The following PREX1 variants were observed in gnomAD, a reference collection of about 807,000 sequenced individuals.
PREX1 encodes phosphatidylinositol 3,4,5-trisphosphate-dependent Rac exchanger 1 protein.
In PREX1, 41 loss-of-function variants were observed where a neutral mutation model predicts 198.3. That is an observed-to-expected ratio of 0.21 (90% CI 0.16 to 0.27). The LOEUF is 0.27. Ranked by LOEUF, PREX1 falls within the 10% of genes least tolerant of loss-of-function variation. The pLI, the probability that PREX1 is intolerant of heterozygous loss-of-function variation, is 1.00. For missense variants in PREX1, 1,620 were observed against 2,200.7 expected (o/e 0.74, Z 5.28); for synonymous variants, 843 against 887.2 (o/e 0.95, Z 0.89).
the PREX1 span, among the ~76,000 whole-genome samples, chr20:48,870,855 G>A: frequency 1.1e-5 from 1 of 88,534 alleles, no homozygotes; most frequent in Admixed American, 1.7e-4. Context: ...AGAGACTGAA[G>A]CATGATAATC....
chr20:48,883,188 C>T, the PREX1 span, among the ~76,000 whole-genome samples: 2 of 151,962 alleles, frequency 1.3e-5, no homozygotes, highest in African/African-American at 4.8e-5. Context: ...TCCACCTTGG[C>T]CTCCCAAAGT....
At chr20:48,786,925 G>A (rs984084405) in intron 1 of PREX1, among the ~76,000 whole-genome samples, 4 of 151,642 alleles carry the variant, frequency 2.6e-5, no homozygotes, top group African/African-American at 9.7e-5. Context: ...AGGAGGAGGC[G>A]TGGGAAGGAC....
In PREX1 at chr20:48,711,135, C is replaced by T. The variant is rs199530761; in HGVS notation, c.622-2714G>A. Among the ~76,000 whole-genome samples, 4 of 152,292 alleles carry T rather than the reference C, an allele frequency of 2.6e-5. No homozygotes were observed. The East Asian group carries it at 7.7e-4, about 29-fold the overall frequency. Reference sequence around the variant, plus strand: ...ACCAGTTATGGCTACTGCCAAAGTCCAGGCAAGAGCAGAGGGTGGCACAGA... The same window carrying T: ...ACCAGTTATGGCTACTGCCAAAGTCTAGGCAAGAGCAGAGGGTGGCACAGA... On this transcript the variant is annotated intron_variant, in intron 5 of 39. Coordinates refer to ENST00000371941, the MANE Select transcript of PREX1 (RefSeq NM_020820.4).
At chr20:48,811,856 C>T (rs1001170602) in intron 1 of PREX1, among the ~76,000 whole-genome samples, 3 of 152,270 alleles carry the variant, frequency 2.0e-5, no homozygotes, top group Non-Finnish European at 4.4e-5. Flanking sequence ...ACCTCCCTCT[C>T]TGTCCTCCAA....
chr20:48,833,404 A>T, the PREX1 span, among the ~76,000 whole-genome samples: 1 of 151,082 alleles, frequency 6.6e-6, no homozygotes, highest in Admixed American at 6.6e-5. Flanking sequence ...AATGTATAAC[A>T]TCCCATTTTG....
At chr20:48,739,354 A>C (rs934929825) in intron 3 of PREX1, among the ~76,000 whole-genome samples, 1 of 152,192 alleles carries the variant, frequency 6.6e-6, no homozygotes, top group Non-Finnish European at 1.5e-5. Flanking sequence ...TTTCAGACAC[A>C]TATTTTTTTT....
At chr20:48,793,391 TG>T (rs2090347035) in intron 1 of PREX1, among the ~76,000 whole-genome samples, 1 of 151,962 alleles carries the variant, frequency 6.6e-6, no homozygotes, top group Non-Finnish European at 1.5e-5. Flanking sequence ...GCCACTGGAG[TG>T]GACACTTTGG....
chr20:48,755,779 T>C (rs182170268), intron 1 of PREX1, among the ~76,000 whole-genome samples: 2 of 152,382 alleles, frequency 1.3e-5, no homozygotes, highest in South Asian at 2.1e-4. Flanking sequence ...CACAAGCCAC[T>C]GAACCTAATC....
intron 1 of PREX1, among the ~76,000 whole-genome samples, chr20:48,797,122 A>T (rs1373533503): frequency 6.6e-6 from 1 of 152,038 alleles, no homozygotes; most frequent in African/African-American, 2.4e-5. Flanking sequence ...AAGAAAAAGG[A>T]CTGATCACGG....
chr20:48,739,332 G>A (rs1243715688), intron 3 of PREX1, among the ~76,000 whole-genome samples: 1 of 152,182 alleles, frequency 6.6e-6, no homozygotes, highest in Non-Finnish European at 1.5e-5. Flanking sequence ...AGGATGCCCA[G>A]GTGAATGCTC....
chr20:48,686,651 C>G (rs991368261), intron 10 of PREX1, among the ~76,000 whole-genome samples: 2 of 152,204 alleles, frequency 1.3e-5, no homozygotes, highest in African/African-American at 4.8e-5. Flanking sequence ...AGCCAGGCTG[C>G]CCCGCCCCGC....
chr20:48,770,508 C>T (rs1008173797), intron 1 of PREX1, among the ~76,000 whole-genome samples: 5 of 152,060 alleles, frequency 3.3e-5, no homozygotes, highest in African/African-American at 1.2e-4. Context: ...GTCAGGAGTT[C>T]GAGACCAGCC....
chr20:48,765,560 G>A lies in PREX1; in HGVS notation c.220-17680C>T, dbSNP rs77095556. On this transcript the variant is annotated intron_variant, in intron 1 of 39. Transcript: ENST00000371941. Reference sequence around the variant, plus strand: ...GCATGCCAATGCCAGGGGTACAGGAGGAAGCGACTCCTACACCCCCATTTC... The same window carrying A: ...GCATGCCAATGCCAGGGGTACAGGAAGAAGCGACTCCTACACCCCCATTTC... Among the ~76,000 whole-genome samples the A allele has an allele frequency of 8.0e-3, 1,215 of 152,310 alleles. 8 individuals are homozygous for A. Among genetic ancestry groups the A allele is most frequent in the Middle Eastern group, 0.017 (5 of 294 alleles).
intron 15 of PREX1, 137 bp from the exon 16 acceptor site, chr20:48,660,198 A>ATAGTGTT: frequency 9.7e-7 from 1 of 1,031,066 alleles, no homozygotes; most frequent in Non-Finnish European, 1.4e-6. Context: ...TTAAAATGGA[A>ATAGTGTT]TCATATGCCA....
chr20:48,781,171 T>C (rs903056983), intron 1 of PREX1, among the ~76,000 whole-genome samples: 9 of 152,178 alleles, frequency 5.9e-5, no homozygotes, highest in African/African-American at 2.2e-4. Flanking sequence ...GGTTGGATCC[T>C]GAAAATAAAA....
chr20:48,792,907 T>C (rs1051353070), intron 1 of PREX1, among the ~76,000 whole-genome samples: 21 of 150,484 alleles, frequency 1.4e-4, no homozygotes, highest in African/African-American at 3.7e-4. Context: ...TCTGTAGAGA[T>C]AGAAAGTACA....
the PREX1 span, among the ~76,000 whole-genome samples, chr20:48,850,088 C>T: frequency 5.3e-5 from 8 of 152,324 alleles, no homozygotes; most frequent in African/African-American, 1.9e-4. Context: ...TATAGAGCAG[C>T]AATGAGCACT....
chr20:48,866,125 T>C, the PREX1 span, among the ~76,000 whole-genome samples: 1 of 152,252 alleles, frequency 6.6e-6, no homozygotes, highest in South Asian at 2.1e-4. Flanking sequence ...ATTATTAAAG[T>C]TTTTGTAGAG....
Position 48,653,502 on chromosome 20 carries a change from G to A in PREX1, c.2210-5C>T, listed in dbSNP as rs2089517639. 5 of 1,606,296 alleles carry A rather than the reference G, an allele frequency of 3.1e-6. No individual in the cohort carries two copies. In the African/African-American group the frequency reaches 5.3e-5, roughly 17 times the overall value. ...CTGCAGCCATGGCCTCAGAGCCTAA[G>A]GGGAACAGGAGCACATGAGGCTGGA... On this transcript the variant is annotated splice_polypyrimidine_tract_variant and splice_region_variant and intron_variant, in intron 19 of 39. Transcript: ENST00000371941.
Sources: gnomAD v4.1 joint callset for allele counts (sites outside exome capture counted in the v4.1 genomes callset) on GRCh38, gnomAD v4.1.1 for gene constraint, MANE v1.5 for transcripts, NCBI Gene and HGNC (gene_info 2026-07-23, HGNC 2026-07-21) for gene names.